Variants in IL1RAPL2 observed in about 807,000 individuals in gnomAD.
The protein encoded by IL1RAPL2 is X-linked interleukin-1 receptor accessory protein-like 2.
A neutral mutation model predicts 44.1 loss-of-function variants in IL1RAPL2; 3 were observed. The observed-to-expected ratio is 0.07, with a 90% CI of 0.03 to 0.18. IL1RAPL2 has a LOEUF of 0.18. Among genes scored for constraint, IL1RAPL2 ranks in the 10% least tolerant of loss-of-function variants. The pLI, the probability that IL1RAPL2 is intolerant of heterozygous loss-of-function variation, is 1.00. For missense variants in IL1RAPL2, 391 were observed against 496.4 expected, an observed-to-expected ratio of 0.79 and a Z score of 2.02; for synonymous variants, 181 against 178.8, an observed-to-expected ratio of 1.01 and a Z score of -0.10.
intron 2 of IL1RAPL2, among the ~76,000 whole-genome samples, chrX:105,116,620 A>G (rs1338165189): frequency 8.9e-6 from 1 of 112,501 alleles, no homozygotes; most frequent in Non-Finnish European, 1.9e-5. Context: ...TCTGTGGCTC[A>G]TCCATAGAGC....
intron 2 of IL1RAPL2, among the ~76,000 whole-genome samples, chrX:104,860,295 A>G (rs912900747): frequency 8.9e-6 from 1 of 111,881 alleles, no homozygotes; most frequent in African/African-American, 3.2e-5. Context: ...GGCAGAGTAG[A>G]TGTGGTGGGA....
chrX:105,724,220 T>TA lies in IL1RAPL2; in HGVS notation c.902+6732dup, dbSNP rs112030028. On this transcript the variant is annotated intron_variant, in intron 7 of 10. Transcript: ENST00000372582. ...ATAGAGGACTTAAAACAATACCTAG[T>TA]AAAAAAAAGCTTAGATATTTACTGA... Among the ~76,000 whole-genome samples the TA allele has an allele frequency of 2.7e-3, 303 of 110,414 alleles. 1 individual carries two copies. Among genetic ancestry groups the TA allele is most frequent in the Admixed American group, 4.8e-3 (50 of 10,358 alleles).
chrX:104,594,014 T>G (rs1328474166), intron 1 of IL1RAPL2, among the ~76,000 whole-genome samples: 1 of 112,412 alleles, frequency 8.9e-6, no homozygotes, highest in Non-Finnish European at 1.9e-5. Flanking sequence ...TTAATATTTT[T>G]TCAGCCAGGG....
chrX:104,935,484 AT>A (rs769780065), intron 2 of IL1RAPL2, among the ~76,000 whole-genome samples: 33 of 112,155 alleles, frequency 2.9e-4, no homozygotes, highest in African/African-American at 9.1e-4. Flanking sequence ...AGTTTACAAT[AT>A]TTTTGGCCAG....
intron 2 of IL1RAPL2, among the ~76,000 whole-genome samples, chrX:104,707,746 A>G (rs953040077): frequency 8.9e-6 from 1 of 111,762 alleles, no homozygotes; most frequent in African/African-American, 3.2e-5. Flanking sequence ...TGACTAAACC[A>G]GAGGCTGCAA....
rs1391515405 is a variant in IL1RAPL2 at position 105,065,422 on chromosome X, G to A, written c.83-130053G>A. On this transcript the variant is annotated intron_variant, in intron 2 of 10. Transcript: ENST00000372582. ...CAAATACTATAATTGGCATCTCATC[G>A]TAAAAAGCACTAGTTTCTCCCTCTG... Among the ~76,000 whole-genome samples, 3 of 111,391 alleles carry A rather than the reference G, an allele frequency of 2.7e-5. No individual in the cohort carries two copies. In the South Asian group the frequency reaches 1.1e-3, roughly 42 times the overall value.
rs138855954 is a variant in IL1RAPL2 at position 105,139,359 on chromosome X, A to C, written c.83-56116A>C. On this transcript the variant is annotated intron_variant, in intron 2 of 10. Transcript: ENST00000372582. ...AACAGTGAGTCATTGAGTTTGAAAA[A>C]GGGGGGAGAATGTGGAAGGGATCAA... is the stretch of plus-strand genomic sequence containing the variant. 8.0e-3 allele frequency among the ~76,000 whole-genome samples: 888 copies of C among 111,456 alleles called. 10 individuals are homozygous for C. Among genetic ancestry groups the C allele is most frequent in the African/African-American group, 0.027 (842 of 30,655 alleles).
At chrX:105,596,266 A>G (rs2147820385) in intron 6 of IL1RAPL2, among the ~76,000 whole-genome samples, 1 of 109,420 alleles carries the variant, frequency 9.1e-6, no homozygotes, top group South Asian at 3.9e-4. Context: ...TGTTTTTTTA[A>G]TGTAGGTATG....
chrX:105,135,792 A>G (rs2033071746), intron 2 of IL1RAPL2, among the ~76,000 whole-genome samples: 1 of 110,873 alleles, frequency 9.0e-6, no homozygotes, highest in Admixed American at 9.5e-5. Flanking sequence ...GAGATATGTT[A>G]TGCAGATGCC....
At position 105,767,529 on chromosome X, in the gene IL1RAPL2, C is replaced by T. The variant is rs779190963; in HGVS notation, c.1929C>T (p.Asn643=). Residue 643 remains asparagine (N), a synonymous_variant, in exon 11 of 11, where the codon AAC becomes AAT. Transcript: ENST00000372582. The part of the protein sequence containing the change: ...PSLGNHHTYC[N]LPLTLLNGQL... ...TAGGCAACCACCATACTTATTGTAA[C>T]CTGCCTCTGACGCTACTCAACGGAC... 6 of 1,208,727 alleles carry T rather than the reference C, an allele frequency of 5.0e-6. No individual in the cohort carries two copies. The highest frequency in any genetic ancestry group is 3.0e-5 in the East Asian group (1 of 33,723).
intron 1 of IL1RAPL2, among the ~76,000 whole-genome samples, chrX:104,627,388 C>T (rs979751848): frequency 2.8e-5 from 3 of 106,138 alleles, no homozygotes; most frequent in African/African-American, 6.9e-5. Context: ...ATGTAAATGA[C>T]GAGTTAATGG....
intron 2 of IL1RAPL2, among the ~76,000 whole-genome samples, chrX:104,893,246 G>T (rs966413106): frequency 1.8e-5 from 2 of 112,144 alleles, no homozygotes; most frequent in Non-Finnish European, 3.8e-5. Context: ...GTGGTGTGGT[G>T]CTGAGAATAA....
chrX:104,674,548 C>A (rs759901710), intron 2 of IL1RAPL2, among the ~76,000 whole-genome samples: 143 of 111,668 alleles, frequency 1.3e-3, no homozygotes, highest in African/African-American at 4.6e-3. Context: ...GGATATTGGT[C>A]TAAAATTCTC....
chrX:104,990,088 A>T (rs1216407954), intron 2 of IL1RAPL2, among the ~76,000 whole-genome samples: 1 of 111,721 alleles, frequency 9.0e-6, no homozygotes, highest in East Asian at 2.8e-4. Context: ...TCTGTACTAG[A>T]TGTTGTTGAC....
intron 5 of IL1RAPL2, chrX:105,405,615 C>T (rs751006730): frequency 1.8e-5 from 20 of 1,093,500 alleles, no homozygotes; most frequent in South Asian, 1.5e-4. Context: ...GGGAGGGTGG[C>T]GGCTCCCTCA....
intron 6 of IL1RAPL2, among the ~76,000 whole-genome samples, chrX:105,608,807 A>G (rs1189960891): frequency 8.9e-6 from 1 of 112,214 alleles, no homozygotes; most frequent in Non-Finnish European, 1.9e-5. Context: ...AATAACTTTA[A>G]AGATAAATAT....
intron 1 of IL1RAPL2, among the ~76,000 whole-genome samples, chrX:104,585,211 C>G (rs1162592053): frequency 1.9e-5 from 1 of 53,188 alleles, no homozygotes; most frequent in Admixed American, 3.1e-4. Context: ...ATTATATATA[C>G]ACATATATGT....
intron 2 of IL1RAPL2, among the ~76,000 whole-genome samples, chrX:104,761,791 G>A (rs1001093418): frequency 1.2e-4 from 13 of 108,455 alleles, no homozygotes; most frequent in African/African-American, 4.4e-4. Context: ...ATCCAGCAGG[G>A]CAGTCAAATC....
At chrX:105,034,295 G>C (rs758941123) in intron 2 of IL1RAPL2, among the ~76,000 whole-genome samples, 2 of 112,099 alleles carry the variant, frequency 1.8e-5, no homozygotes, top group South Asian at 7.4e-4. Context: ...AGGAGGAGAG[G>C]TGCTCTGCTT....
Sources: gnomAD v4.1 joint callset for allele counts (sites outside exome capture counted in the v4.1 genomes callset) on GRCh38, gnomAD v4.1.1 for gene constraint, MANE v1.5 for transcripts, NCBI Gene and HGNC (gene_info 2026-07-23, HGNC 2026-07-21) for gene names.